CHN2: variants seen among roughly 807,000 people sequenced by gnomAD.
CHN2 encodes chimerin 2.
Under a neutral mutation model 56.3 loss-of-function variants are expected in CHN2, and 35 were observed. The ratio of observed to expected loss-of-function variants is 0.62; its 90% CI spans 0.47 to 0.82. The LOEUF (loss-of-function observed/expected upper bound fraction) is 0.82. Ranked by LOEUF, CHN2 falls within the 40% of genes least tolerant of loss-of-function variation. The pLI, the probability that CHN2 is intolerant of heterozygous loss-of-function variation, is 0.00. For missense variants in CHN2, 491 were observed against 580.5 expected (o/e 0.85, Z 1.58); for synonymous variants, 210 against 212.8 (o/e 0.99, Z 0.12).
intron 2 of CHN2, among the ~76,000 whole-genome samples, chr7:29,150,183 T>G (rs1012096884): frequency 6.6e-6 from 1 of 152,222 alleles, no homozygotes; most frequent in Non-Finnish European, 1.5e-5. Context: ...GTTCAGAGCA[T>G]GGGTCAGACT....
chr7:29,309,249 C>T lies in CHN2; in HGVS notation c.50-45376C>T, dbSNP rs187173328. Among the ~76,000 whole-genome samples, 9 of 152,194 alleles carry T rather than the reference C, an allele frequency of 5.9e-5. No individual in the cohort carries two copies. The South Asian group carries it at 6.2e-4, about 11-fold the overall frequency. On this transcript the variant is annotated intron_variant, in intron 1 of 12. Coordinates refer to ENST00000222792, the MANE Select transcript of CHN2 (RefSeq NM_004067.4). ...GTTCAAAAAGTGTTTGGAAAGTCAC[C>T]GCTCTTTGGGTTGTAGAATTTGAGT...
chr7:29,330,678 C>A (rs536266791), intron 1 of CHN2, among the ~76,000 whole-genome samples: 2 of 152,134 alleles, frequency 1.3e-5, no homozygotes, highest in Admixed American at 6.5e-5. Flanking sequence ...TGTGTGCAGG[C>A]GTATTATATG....
chr7:29,363,224 G>A (rs1260599770), intron 2 of CHN2, among the ~76,000 whole-genome samples: 3 of 152,212 alleles, frequency 2.0e-5, no homozygotes, highest in African/African-American at 4.8e-5. Context: ...GGTGGCTCAC[G>A]CCTCTAATCC....
intron 6 of CHN2, among the ~76,000 whole-genome samples, chr7:29,461,953 A>G (rs1001130250): frequency 6.6e-6 from 1 of 152,156 alleles, no homozygotes; most frequent in Non-Finnish European, 1.5e-5. Context: ...TTTCTGTCAT[A>G]AAAAATACCT....
chr7:29,468,152 CCCCG>C (rs1785718836), intron 6 of CHN2, among the ~76,000 whole-genome samples: 2 of 116,176 alleles, frequency 1.7e-5, no homozygotes, highest in African/African-American at 6.3e-5. Flanking sequence ...CCCCCCCCCC[CCCCG>C]CCCGACTACC....
At chr7:29,398,622 G>A (rs1249451084) in intron 5 of CHN2, 136 bp downstream of exon 5, 6 of 625,510 alleles carry the variant, frequency 9.6e-6, no homozygotes, top group South Asian at 9.3e-5. Flanking sequence ...ATGAGGGGGG[G>A]GTCCCACTCT....
intron 6 of CHN2, among the ~76,000 whole-genome samples, chr7:29,448,387 T>G (rs1278955283): frequency 6.6e-6 from 1 of 152,174 alleles, no homozygotes; most frequent in Non-Finnish European, 1.5e-5. Context: ...ATCTGAAGAC[T>G]TCTAAACTCC....
chr7:29,146,778 G>A, intron 1 of CHN2: 1 of 1,549,050 alleles, frequency 6.5e-7, no homozygotes, highest in Non-Finnish European at 8.7e-7. Context: ...TTTTGATTTT[G>A]TCTCCCAGTT....
chr7:29,206,491 AGGCT>A (rs567955729), intron 1 of CHN2, among the ~76,000 whole-genome samples: 169 of 152,260 alleles, frequency 1.1e-3, no homozygotes, highest in African/African-American at 3.9e-3. Flanking sequence ...CATGTTGGCC[AGGCT>A]GGTCTCAAAC....
chr7:29,411,411 T>G (rs1399671965), intron 6 of CHN2, among the ~76,000 whole-genome samples: 1 of 152,200 alleles, frequency 6.6e-6, no homozygotes, highest in Admixed American at 6.5e-5. Context: ...TTCATCAGGA[T>G]GTGGCAGTCT....
intron 1 of CHN2, among the ~76,000 whole-genome samples, chr7:29,201,807 A>T (rs1784186271): frequency 6.6e-6 from 1 of 152,192 alleles, no homozygotes; most frequent in African/African-American, 2.4e-5. Flanking sequence ...ACAAGCTAAA[A>T]AGAGAAAATC....
At chr7:29,405,666 G>A (rs2068775177) in intron 6 of CHN2, among the ~76,000 whole-genome samples, 1 of 152,200 alleles carries the variant, frequency 6.6e-6, no homozygotes, top group Admixed American at 6.5e-5. Context: ...TTTCTGGACT[G>A]AAGGCCTTCC....
At chr7:29,219,338 A>T in intron 1 of CHN2, among the ~76,000 whole-genome samples, 1 of 152,342 alleles carries the variant, frequency 6.6e-6, no homozygotes, top group South Asian at 2.1e-4. Context: ...TAAAATAATA[A>T]TATAAGAAGC....
chr7:29,150,693 C>T (rs907746968), intron 2 of CHN2, among the ~76,000 whole-genome samples: 1 of 152,194 alleles, frequency 6.6e-6, no homozygotes, highest in Admixed American at 6.5e-5. Context: ...ACCTTGTAGG[C>T]AATCATGCCC....
intron 6 of CHN2, among the ~76,000 whole-genome samples, chr7:29,441,392 A>C (rs1290651422): frequency 6.6e-6 from 1 of 152,228 alleles, no homozygotes; most frequent in African/African-American, 2.4e-5. Context: ...AGTCTTCATC[A>C]CCTTGGATGT....
chr7:29,407,674 C>T (rs11767560), intron 6 of CHN2, among the ~76,000 whole-genome samples: 21,482 of 152,190 alleles, frequency 0.14, 1,857 homozygotes, highest in Middle Eastern at 0.21. Context: ...CGACTTGCTG[C>T]CCTTGCACGC....
chr7:29,403,583 C>T (rs1257210903), intron 6 of CHN2, among the ~76,000 whole-genome samples: 2 of 152,000 alleles, frequency 1.3e-5, no homozygotes, highest in Non-Finnish European at 2.9e-5. Context: ...ATTTGAGTGG[C>T]TCCCAGATTT....
intron 6 of CHN2, among the ~76,000 whole-genome samples, chr7:29,459,401 G>C (rs1021884742): frequency 2.0e-5 from 3 of 152,188 alleles, no homozygotes; most frequent in Admixed American, 6.5e-5. Context: ...GGTGGATGCA[G>C]CCCTGGAGGA....
chr7:29,508,758 G>A (rs1047460557), intron 11 of CHN2, among the ~76,000 whole-genome samples: 50 of 152,108 alleles, frequency 3.3e-4, no homozygotes, highest in African/African-American at 1.2e-3. Context: ...TCCTAACCTG[G>A]GCTGTGCACC....
Sources: gnomAD v4.1 joint callset for allele counts (sites outside exome capture counted in the v4.1 genomes callset) on GRCh38, gnomAD v4.1.1 for gene constraint, MANE v1.5 for transcripts, NCBI Gene and HGNC (gene_info 2026-07-23, HGNC 2026-07-21) for gene names.